The following SNX29 variants were observed in gnomAD, a reference collection of about 807,000 sequenced individuals.
The protein encoded by SNX29 is sorting nexin-29.
Under a neutral mutation model 102.1 loss-of-function variants are expected in SNX29, and 78 were observed. That is an observed-to-expected ratio of 0.76 (90% confidence interval 0.64 to 0.92). The LOEUF (loss-of-function observed/expected upper bound fraction) is 0.92. Ranked by LOEUF, SNX29 falls within the 40% of genes least tolerant of loss-of-function variation. SNX29 has a pLI of 0.00. For synonymous variants in SNX29, 580 were observed against 414.5 expected (o/e 1.40, Z -4.85); for missense variants, 1,280 against 1,061.7 (o/e 1.21, Z -2.86).
chr16:12,293,212 G>A (rs982904887), intron 15 of SNX29, among the ~76,000 whole-genome samples: 7 of 152,190 alleles, frequency 4.6e-5, no homozygotes, highest in African/African-American at 1.7e-4. Context: ...AAAGTGCTGG[G>A]GTTATAGGTG....
intron 18 of SNX29, among the ~76,000 whole-genome samples, chr16:12,445,095 C>T (rs936065100): frequency 3.9e-5 from 6 of 152,138 alleles, no homozygotes; most frequent in African/African-American, 1.4e-4. Context: ...AAGTGATCTA[C>T]CCACCTCGGC....
chr16:12,499,974 G>A (rs1261365917), intron 19 of SNX29, among the ~76,000 whole-genome samples: 1 of 152,000 alleles, frequency 6.6e-6, no homozygotes, highest in East Asian at 1.9e-4. Flanking sequence ...ATGGTGCCCA[G>A]CCTGCATTTA....
intron 14 of SNX29, among the ~76,000 whole-genome samples, chr16:12,229,095 C>T (rs2077697707): frequency 6.6e-6 from 1 of 152,254 alleles, no homozygotes; most frequent in South Asian, 2.1e-4. Flanking sequence ...CCAGGATGTA[C>T]CTTGCCCCCT....
At chr16:12,430,852 C>G (rs1042584948) in intron 18 of SNX29, among the ~76,000 whole-genome samples, 28 of 139,128 alleles carry the variant, frequency 2.0e-4, no homozygotes, top group African/African-American at 7.1e-4. Context: ...TTGACGCAGT[C>G]TTTTTTTTTT....
intron 4 of SNX29, among the ~76,000 whole-genome samples, chr16:12,035,375 T>C (rs1178639616): frequency 2.0e-5 from 3 of 151,968 alleles, no homozygotes; most frequent in African/African-American, 4.8e-5. Context: ...CCATGCCTGG[T>C]TAATTTATTT....
At position 12,572,911 on chromosome 16, in the gene SNX29, A is replaced by C. The variant is rs964006248; in HGVS notation, c.*4282A>C. 1.0e-6 allele frequency: 1 copy of C among 1,003,084 alleles called. No homozygotes were observed. Among genetic ancestry groups the C allele is most frequent in the African/African-American group, 1.7e-5 (1 of 59,756 alleles). 62.1% of individuals were successfully genotyped at this position (1,003,084 alleles called of 1,614,324 possible). On this transcript the variant is annotated 3_prime_UTR_variant, in exon 21 of 21. Transcript: ENST00000566228. ...TTGGCATTTCGCTCGGAATCACGGC[A>C]GACTTGGAGTGTTTCTTCAAGGCAG...
rs549036965 is a variant in SNX29, at chr16:12,555,449, G to A, written c.2319-13057G>A. Among the ~76,000 whole-genome samples the A allele has an allele frequency of 1.3e-4, 20 of 152,080 alleles. No homozygotes were observed. In the South Asian group the frequency reaches 3.9e-3, roughly 30 times the overall value. On this transcript the variant is annotated intron_variant, in intron 20 of 20. Coordinates refer to ENST00000566228, the MANE Select transcript of SNX29 (RefSeq NM_032167.5). ...TTGTAGGAGACACTCATGTACGCAG[G>A]GTGTTTCCCTAGTTGACATGTCTGA...
At chr16:12,139,159 T>C (rs1261448255) in intron 13 of SNX29, among the ~76,000 whole-genome samples, 1 of 127,384 alleles carries the variant, frequency 7.9e-6, no homozygotes, top group Non-Finnish European at 1.6e-5. Flanking sequence ...GATCGGCCAC[T>C]GTACTCCAGA....
At chr16:12,245,620 G>A (rs1027437674) in intron 14 of SNX29, among the ~76,000 whole-genome samples, 1 of 151,992 alleles carries the variant, frequency 6.6e-6, no homozygotes, top group Non-Finnish European at 1.5e-5. Flanking sequence ...ACAAAAACCC[G>A]TCGTTGTGAT....
chr16:12,279,680 G>A (rs543805629), intron 15 of SNX29, among the ~76,000 whole-genome samples: 1 of 152,354 alleles, frequency 6.6e-6, no homozygotes, highest in South Asian at 2.1e-4. Flanking sequence ...ACCCCTGAAA[G>A]GTAGGACTGT....
At position 12,064,389 on chromosome 16, in the gene SNX29, A is replaced by T. The variant is rs535970582; in HGVS notation, c.1243+2743A>T. Among the ~76,000 whole-genome samples, 6 of 152,208 alleles carry T rather than the reference A, an allele frequency of 3.9e-5. No homozygotes were observed. The South Asian group carries it at 1.2e-3, about 32-fold the overall frequency. ...CCATCAGCCTCTAGAGTCCTTGCAG[A>T]TTTCCTGTGGTCCCACACCCGGCTG... is the stretch of plus-strand genomic sequence containing the variant. On this transcript the variant is annotated intron_variant, in intron 9 of 20. Transcript: ENST00000566228.
At chr16:12,141,011 T>A (rs1325882701) in intron 13 of SNX29, among the ~76,000 whole-genome samples, 2 of 152,210 alleles carry the variant, frequency 1.3e-5, no homozygotes, top group Non-Finnish European at 2.9e-5. Flanking sequence ...TCAGTACATA[T>A]TGGTCTGGCG....
chr16:12,524,501 TTAA>T (rs1185238170), intron 19 of SNX29, among the ~76,000 whole-genome samples, 198 bp from the exon 20 acceptor site: 1 of 151,026 alleles, frequency 6.6e-6, no homozygotes, highest in Non-Finnish European at 1.5e-5. Flanking sequence ...TTTCCTCCAC[TTAA>T]TAATAATATC....
chr16:12,217,721 G>C (rs1292054307), intron 14 of SNX29, among the ~76,000 whole-genome samples: 1 of 152,142 alleles, frequency 6.6e-6, no homozygotes, highest in African/African-American at 2.4e-5. Context: ...GGGCATATGT[G>C]CTGTTTATCT....
In SNX29 at chr16:12,322,194, G is replaced by A. The variant is rs377708649; in HGVS notation, c.1783-33969G>A. 8.5e-5 allele frequency among the ~76,000 whole-genome samples: 13 copies of A among 152,288 alleles called. No homozygotes were observed. The East Asian group carries it at 1.4e-3, about 16-fold the overall frequency. ...AGGGGACCTAGGGTAGAACCCATAA[G>A]GCCAGTCACGCTAGTGATGGGAGTG... On this transcript the variant is annotated intron_variant, in intron 15 of 20. Transcript: ENST00000566228.
intron 10 of SNX29, among the ~76,000 whole-genome samples, chr16:12,072,115 A>G (rs2051327231): frequency 6.6e-6 from 1 of 152,218 alleles, no homozygotes; most frequent in East Asian, 1.9e-4. Context: ...GTCTGCAAAC[A>G]GGGACAATTT....
chr16:12,430,948 G>A (rs193112098), intron 18 of SNX29, among the ~76,000 whole-genome samples: 1 of 152,000 alleles, frequency 6.6e-6, no homozygotes, highest in African/African-American at 2.4e-5. Context: ...TGCCTCCTGG[G>A]TTCAAATGAT....
rs753961907 is a variant in SNX29, at chr16:12,053,967, G to GTT, written c.1124+1749_1124+1750dup. Among the ~76,000 whole-genome samples the GTT allele has an allele frequency of 2.8e-4, 41 of 146,770 alleles. 3 individuals carry two copies. Among genetic ancestry groups the GTT allele is most frequent in the Non-Finnish European group, 3.0e-4 (20 of 66,224 alleles). ...CTGTAATCCAAAGCTTATATTGTCA[G>GTT]TTTTTGTTTTTTTTTTTTGAGACAG... On this transcript the variant is annotated intron_variant, in intron 8 of 20. Transcript: ENST00000566228.
chr16:12,379,907 G>A (rs894448019), intron 16 of SNX29, among the ~76,000 whole-genome samples: 14 of 152,130 alleles, frequency 9.2e-5, no homozygotes, highest in African/African-American at 2.9e-4. Context: ...GGGGGCATGT[G>A]TTAACTTTTC....
Sources: gnomAD v4.1 joint callset for allele counts (sites outside exome capture counted in the v4.1 genomes callset) on GRCh38, gnomAD v4.1.1 for gene constraint, MANE v1.5 for transcripts, NCBI Gene and HGNC (gene_info 2026-07-23, HGNC 2026-07-21) for gene names.